The following EPHX1 variants were observed in gnomAD, a reference collection of about 807,000 sequenced individuals.
The protein encoded by EPHX1 is epoxide hydratase.
A neutral mutation model predicts 43.2 loss-of-function variants in EPHX1; 40 were observed. That is an observed-to-expected ratio of 0.93 (90% CI 0.72 to 1.21). The LOEUF (loss-of-function observed/expected upper bound fraction) is 1.21, where lower values mean the gene tolerates loss of function less well. Ranked by LOEUF, EPHX1 falls within the 50% of genes most tolerant of loss-of-function variation. EPHX1 has a pLI of 0.00. For synonymous variants in EPHX1, 221 were observed against 226.7 expected (o/e 0.98, Z 0.22); for missense variants, 550 against 570.4 (o/e 0.96, Z 0.36).
At chr1:225,810,711 T>C (rs1666437342) in intron 1 of EPHX1, 1 of 134,828 alleles carries the variant, frequency 7.4e-6, no homozygotes, top group Non-Finnish European at 1.5e-5. Context: ...TTTTATAGGA[T>C]TTGGGTAGGT....
intron 3 of EPHX1, among the ~76,000 whole-genome samples, 165 bp from the exon 4 acceptor site, chr1:225,838,489 G>A (rs745538353): frequency 1.3e-5 from 2 of 152,154 alleles, no homozygotes; most frequent in Non-Finnish European, 2.9e-5. Flanking sequence ...GGAGCACAGT[G>A]TGAGTGTGAA....
At position 225,828,806 on chromosome 1, in the gene EPHX1, CTT is replaced by C; in HGVS notation, c.79_80del (p.Leu27AlafsTer3). 1.2e-6 allele frequency: 2 copies of C among 1,613,856 alleles called. No individual in the cohort carries two copies. Among genetic ancestry groups the C allele is most frequent in the Non-Finnish European group, 1.7e-6 (2 of 1,179,954 alleles). On this transcript the variant is annotated frameshift_variant, in exon 2 of 9. Coordinates refer to ENST00000272167, the MANE Select transcript of EPHX1 (RefSeq NM_001136018.4). LOFTEE classifies it high-confidence loss of function. Reference sequence around the variant, plus strand: ...TTCATCTCCCGGGACAAAGAGGAAACTTTGCCACTTGAAGATGGGTGGTGGGG... The same window carrying C: ...TTCATCTCCCGGGACAAAGAGGAAACTGCCACTTGAAGATGGGTGGTGGGG...
chr1:225,821,996 C>CAT (rs1355171361), intron 1 of EPHX1, among the ~76,000 whole-genome samples: 1 of 152,170 alleles, frequency 6.6e-6, no homozygotes, highest in African/African-American at 2.4e-5. Flanking sequence ...TAACAGTTTA[C>CAT]ATTTAGTCCA....
intron 1 of EPHX1, 31 bp from the exon 2 acceptor site, chr1:225,828,694 C>T (rs1186700268): frequency 6.2e-7 from 1 of 1,604,910 alleles, no homozygotes; most frequent in Admixed American, 1.7e-5. Context: ...TGGGCGGGCT[C>T]CGTTGTTAAT....
intron 1 of EPHX1, among the ~76,000 whole-genome samples, chr1:225,812,035 C>T (rs548403674): frequency 1.8e-4 from 28 of 152,160 alleles, no homozygotes; most frequent in Non-Finnish European, 3.4e-4. Context: ...GTGGCACTGG[C>T]ATAGACCTGA....
intron 1 of EPHX1, among the ~76,000 whole-genome samples, chr1:225,828,488 TTGTC>T (rs1367464953): frequency 6.6e-6 from 1 of 150,706 alleles, no homozygotes; most frequent in South Asian, 2.1e-4. Flanking sequence ...TTTTGTCTCA[TTGTC>T]TGTTGTTTTT....
intron 1 of EPHX1, among the ~76,000 whole-genome samples, chr1:225,823,792 CGCTTTCACCA>C (rs1207969561): frequency 2.0e-5 from 3 of 151,902 alleles, no homozygotes; most frequent in Non-Finnish European, 2.9e-5. Context: ...GGGCGATGTT[CGCTTTCACCA>C]GCCCAACCCC....
intron 1 of EPHX1, among the ~76,000 whole-genome samples, chr1:225,811,993 T>C (rs1296661823): frequency 6.6e-6 from 1 of 151,338 alleles, no homozygotes; most frequent in Non-Finnish European, 1.5e-5. Flanking sequence ...GGGAGAGGAG[T>C]GCCAGGTGGA....
intron 6 of EPHX1, among the ~76,000 whole-genome samples, chr1:225,841,685 T>G (rs1274831039): frequency 1.4e-5 from 2 of 141,298 alleles, no homozygotes; most frequent in Non-Finnish European, 3.0e-5. Context: ...CACTGCAACC[T>G]CCACCTCCCG....
intron 1 of EPHX1, among the ~76,000 whole-genome samples, chr1:225,825,837 C>A (rs1333988350): frequency 2.0e-5 from 3 of 152,072 alleles, no homozygotes; most frequent in African/African-American, 4.8e-5. Flanking sequence ...CTGGGGGAAG[C>A]TCTGCTCTCT....
intron 1 of EPHX1, among the ~76,000 whole-genome samples, chr1:225,819,021 A>T (rs1666857073): frequency 6.7e-6 from 1 of 148,896 alleles, no homozygotes; most frequent in South Asian, 2.2e-4. Flanking sequence ...AGGTCAGGAG[A>T]TTGAGACCAT....
In EPHX1 at chr1:225,837,898, T is replaced by G. The variant is rs540228071; in HGVS notation, c.365-756T>G. On this transcript the variant is annotated intron_variant, in intron 3 of 8. Coordinates refer to ENST00000272167, the MANE Select transcript of EPHX1 (RefSeq NM_001136018.4). ...ATTTTGTCAATGTGTATGAAAAAAA[T>G]TATGCATTTAATACCTGTTCATTGT... 1.1e-4 allele frequency among the ~76,000 whole-genome samples: 17 copies of G among 152,148 alleles called. 2 individuals are homozygous for G. Among genetic ancestry groups the G allele is most frequent in the East Asian group, 9.6e-4 (5 of 5,202 alleles).
At chr1:225,821,693 T>C (rs530964298) in intron 1 of EPHX1, among the ~76,000 whole-genome samples, 2 of 149,846 alleles carry the variant, frequency 1.3e-5, no homozygotes, top group South Asian at 4.3e-4. Context: ...CCCGAGTAGC[T>C]GGGACCTCAG....
At chr1:225,835,692 G>GT (rs893840498) in intron 3 of EPHX1, among the ~76,000 whole-genome samples, 10 of 147,798 alleles carry the variant, frequency 6.8e-5, no homozygotes, top group Non-Finnish European at 1.2e-4. Flanking sequence ...CCCGGCCTTT[G>GT]TTTTTTCTTT....
chr1:225,825,940 T>A (rs11578474), intron 1 of EPHX1, among the ~76,000 whole-genome samples: 553 of 152,382 alleles, frequency 3.6e-3, no homozygotes, highest in Non-Finnish European at 5.4e-3. Flanking sequence ...AGCTGACTTT[T>A]CTCCATCTTC....
chr1:225,826,514 A>C (rs1157001140), intron 1 of EPHX1, among the ~76,000 whole-genome samples: 1 of 151,554 alleles, frequency 6.6e-6, no homozygotes, highest in Admixed American at 6.6e-5. Flanking sequence ...ACATGCATCA[A>C]CGTGTCCCAC....
chr1:225,822,969 C>T (rs1004944951), intron 1 of EPHX1, among the ~76,000 whole-genome samples: 14 of 152,272 alleles, frequency 9.2e-5, no homozygotes, highest in Non-Finnish European at 5.9e-5. Flanking sequence ...AGGGGCTCCT[C>T]TGGGGTCTGT....
Position 225,839,209 on chromosome 1 carries a change from A to C in EPHX1, c.593-8A>C. 6.2e-7 allele frequency: 1 copy of C among 1,613,820 alleles called. No homozygotes were observed. The highest frequency in any genetic ancestry group is 1.1e-5 in the South Asian group (1 of 91,058). On this transcript the variant is annotated splice_polypyrimidine_tract_variant and splice_region_variant and intron_variant, in intron 4 of 8. Coordinates refer to ENST00000272167, the MANE Select transcript of EPHX1 (RefSeq NM_001136018.4). ...CCGTGACTCCATGCCTTTCCCCATC[A>C]CTGCCAGGGTTCAACTCGGTGGCCA...
intron 1 of EPHX1, among the ~76,000 whole-genome samples, chr1:225,811,662 G>T (rs1473752610): frequency 6.6e-6 from 1 of 152,178 alleles, no homozygotes; most frequent in African/African-American, 2.4e-5. Flanking sequence ...CTGGTGTAAC[G>T]GTTGCCTCCT....
Sources: allele counts gnomAD v4.1 joint callset (sites outside exome capture counted in the v4.1 genomes callset), GRCh38; gene constraint gnomAD v4.1.1; transcripts MANE v1.5; gene names NCBI Gene and HGNC (gene_info 2026-07-23, HGNC 2026-07-21).